Variants in DNAAF9 observed in about 807,000 individuals in gnomAD.
DNAAF9 encodes the protein shulin.
A neutral mutation model predicts 167.0 loss-of-function variants in DNAAF9; 90 were observed. The observed-to-expected ratio is 0.54, with a 90% CI of 0.45 to 0.64. The LOEUF (loss-of-function observed/expected upper bound fraction) is 0.64. Among genes scored for constraint, DNAAF9 ranks in the 30% least tolerant of loss-of-function variants. DNAAF9 has a pLI of 0.00. For missense variants in DNAAF9, 1,315 were observed against 1,442.2 expected (o/e 0.91, Z 1.43); for synonymous variants, 491 against 508.8 (o/e 0.96, Z 0.47).
intron 30 of DNAAF9, among the ~76,000 whole-genome samples, chr20:3,268,897 C>CTTTTTTTTTTTTCTTTTT (rs2068537186): frequency 1.2e-5 from 1 of 85,850 alleles, no homozygotes; most frequent in Non-Finnish European, 2.1e-5. Context: ...CTCTATGTTA[C>CTTTTTTTTTTTTCTTTTT]TTTTTTTTTT....
At chr20:3,328,284 C>A (rs1003536762) in intron 12 of DNAAF9, among the ~76,000 whole-genome samples, 1 of 151,120 alleles carries the variant, frequency 6.6e-6, no homozygotes, top group East Asian at 2.0e-4. Context: ...CGGGTTCAAG[C>A]GATTTTCCTG....
At chr20:3,350,156 G>GACACACACACACACACACACACACACAC (rs35251429) in intron 7 of DNAAF9, among the ~76,000 whole-genome samples, 22 of 89,950 alleles carry the variant, frequency 2.4e-4, no homozygotes, top group Non-Finnish European at 4.7e-4. Flanking sequence ...CAGACACACA[G>GACACACACACACACACACACACACACAC]ACACACACAC....
At chr20:3,384,039 C>T (rs1035987127) in intron 1 of DNAAF9, among the ~76,000 whole-genome samples, 4 of 152,180 alleles carry the variant, frequency 2.6e-5, no homozygotes, top group Admixed American at 6.5e-5. Flanking sequence ...AAGTGATCCA[C>T]CTGCCTCAGC....
At chr20:3,280,546 C>T (rs2122856839) in intron 28 of DNAAF9, among the ~76,000 whole-genome samples, 2 of 148,360 alleles carry the variant, frequency 1.3e-5, no homozygotes, top group South Asian at 4.3e-4. Flanking sequence ...ACCTGGGCAA[C>T]AAGAGCAAAA....
chr20:3,323,384 C>T (rs1180864284), intron 14 of DNAAF9, among the ~76,000 whole-genome samples: 1 of 146,510 alleles, frequency 6.8e-6, no homozygotes, highest in Non-Finnish European at 1.5e-5. Context: ...TGGGTTCAAG[C>T]GATTCTCCTG....
chr20:3,260,911 T>C (rs1426489825), intron 31 of DNAAF9, among the ~76,000 whole-genome samples: 1 of 151,582 alleles, frequency 6.6e-6, no homozygotes, highest in African/African-American at 2.4e-5. Flanking sequence ...GGATTACAGG[T>C]GTAAGCCACC....
chr20:3,406,298 A>G (rs2084053919), intron 1 of DNAAF9, among the ~76,000 whole-genome samples: 1 of 152,250 alleles, frequency 6.6e-6, no homozygotes, highest in African/African-American at 2.4e-5. Context: ...CTTAAGTACC[A>G]TAACAAGAAT....
chr20:3,263,234 A>G (rs1164652584), intron 31 of DNAAF9, among the ~76,000 whole-genome samples: 3 of 152,172 alleles, frequency 2.0e-5, no homozygotes. Flanking sequence ...TCGGCATCCC[A>G]AAGTGCTGGG....
At chr20:3,393,763 T>A (rs1458960217) in intron 1 of DNAAF9, among the ~76,000 whole-genome samples, 1 of 152,172 alleles carries the variant, frequency 6.6e-6, no homozygotes, top group African/African-American at 2.4e-5. Context: ...TTTTGATAGG[T>A]GTTGCCAAAT....
At chr20:3,385,680 C>T (rs2083724400) in intron 1 of DNAAF9, among the ~76,000 whole-genome samples, 1 of 152,174 alleles carries the variant, frequency 6.6e-6, no homozygotes, top group Non-Finnish European at 1.5e-5. Flanking sequence ...GATCCTCCCA[C>T]CTTGGCCTTC....
chr20:3,295,888 A>G, intron 23 of DNAAF9: 1 of 1,215,940 alleles, frequency 8.2e-7, no homozygotes, highest in Non-Finnish European at 1.2e-6. Flanking sequence ...GAGCCCAGCC[A>G]GTGCCGTCAA....
chr20:3,398,610 T>C (rs542474114), intron 1 of DNAAF9, among the ~76,000 whole-genome samples: 10 of 152,298 alleles, frequency 6.6e-5, no homozygotes, highest in Non-Finnish European at 1.2e-4. Context: ...TATATACAAA[T>C]GTTCACTGAA....
rs1244954980 is a variant in DNAAF9 at position 3,287,787 on chromosome 20, C to A, written c.2331G>T (p.Trp777Cys). Residue 777 changes from tryptophan to cysteine, a missense_variant, in exon 27 of 37, where the codon TGG (tryptophan) becomes TGT (cysteine). By Grantham distance (215) the Trp-to-Cys change is radical. This residue lies in a region of DNAAF9 where 981 missense variants were observed against 1,012.5 expected (regional missense o/e 0.97). Coordinates refer to ENST00000252032, the MANE Select transcript of DNAAF9 (RefSeq NM_001009984.3). ...TGTCCATGATTTGGCGATACACCAT[C>A]CATCTGGAAAGGTAAAAGGTAACCT... The part of the protein sequence containing the change: ...LVTLHKECGR[W>C]MVYRQIMDSS... The A allele has an allele frequency of 6.2e-7, 1 of 1,614,030 alleles. No individual in the cohort carries two copies. The highest frequency in any genetic ancestry group is 8.5e-7 in the Non-Finnish European group (1 of 1,179,994).
intron 21 of DNAAF9, among the ~76,000 whole-genome samples, chr20:3,301,451 G>A (rs1337471495): frequency 2.6e-5 from 4 of 152,178 alleles, no homozygotes; most frequent in African/African-American, 9.7e-5. Flanking sequence ...GCCTCCCAAA[G>A]TGCTAGGATT....
intron 31 of DNAAF9, among the ~76,000 whole-genome samples, chr20:3,262,701 G>A (rs1284691413): frequency 1.3e-5 from 2 of 152,156 alleles, no homozygotes; most frequent in Non-Finnish European, 2.9e-5. Flanking sequence ...GATTACAGGA[G>A]CCTCATGACC....
chr20:3,302,221 G>A (rs1568590612), intron 21 of DNAAF9, among the ~76,000 whole-genome samples: 1 of 152,108 alleles, frequency 6.6e-6, no homozygotes, highest in African/African-American at 2.4e-5. Context: ...TTACAGGCAT[G>A]AGCCACTGTG....
In DNAAF9 at chr20:3,306,790, T is replaced by G. The variant is rs2069305271; in HGVS notation, c.1679-2247A>C. ...AGCCTGTTCACTGCTGTCTCCCCAC[T>G]CCTTCCATCAGCCCACAGAGCTCAT... On this transcript the variant is annotated intron_variant, in intron 20 of 36. Transcript: ENST00000252032. 4 of 436,742 alleles carry G rather than the reference T, an allele frequency of 9.2e-6. No homozygotes were observed. In the South Asian group the frequency reaches 2.8e-4, roughly 31 times the overall value. 27.1% of individuals were successfully genotyped at this position (436,742 alleles called of 1,614,324 possible).
At chr20:3,313,820 G>A (rs2069454983) in intron 20 of DNAAF9, among the ~76,000 whole-genome samples, 1 of 152,164 alleles carries the variant, frequency 6.6e-6, no homozygotes, top group Admixed American at 6.5e-5. Context: ...AAGGATGACA[G>A]CGGTGTAGCT....
chr20:3,322,884 A>ATCTGACTCTAATCACAGC (rs1424645005), intron 14 of DNAAF9, among the ~76,000 whole-genome samples, 188 bp from the exon 15 acceptor site: 3 of 151,990 alleles, frequency 2.0e-5, no homozygotes, highest in African/African-American at 7.3e-5. Flanking sequence ...TGAGGCCAGA[A>ATCTGACTCTAATCACAGC]TCTGACTCTA....
Sources: allele counts gnomAD v4.1 joint callset (sites outside exome capture counted in the v4.1 genomes callset), GRCh38; gene constraint gnomAD v4.1.1; regional missense constraint gnomAD v4.1.1; transcripts MANE v1.5; gene names NCBI Gene and HGNC (gene_info 2026-07-23, HGNC 2026-07-21).